Variants in SGCD observed in about 807,000 individuals in gnomAD.
SGCD encodes sarcoglycan delta.
A neutral mutation model predicts 36.6 loss-of-function variants in SGCD; 18 were observed. The ratio of observed to expected loss-of-function variants is 0.49; its 90% confidence interval spans 0.34 to 0.73. The LOEUF is 0.73. Ranked by LOEUF, SGCD falls within the 30% of genes least tolerant of loss-of-function variation. SGCD has a pLI of 0.01. For missense variants in SGCD, 387 were observed against 346.7 expected, an observed-to-expected ratio of 1.12 and a Z score of -0.92; for synonymous variants, 133 against 130.6, an observed-to-expected ratio of 1.02 and a Z score of -0.12.
intron 1 of SGCD, among the ~76,000 whole-genome samples, chr5:155,888,545 T>C (rs534133878): frequency 6.6e-6 from 1 of 152,330 alleles, no homozygotes; most frequent in African/African-American, 2.4e-5. Flanking sequence ...TTTTTAATGC[T>C]TAGGTTTTTG....
intron 3 of SGCD, among the ~76,000 whole-genome samples, chr5:156,214,175 G>A (rs1343286909): frequency 6.6e-6 from 1 of 151,896 alleles, no homozygotes; most frequent in Non-Finnish European, 1.5e-5. Context: ...ATCTCTGCTT[G>A]CAGATATCAG....
At chr5:156,375,821 T>C (rs1395718700) in intron 3 of SGCD, among the ~76,000 whole-genome samples, 2 of 152,218 alleles carry the variant, frequency 1.3e-5, no homozygotes, top group Non-Finnish European at 2.9e-5. Flanking sequence ...GAAGCCCTCA[T>C]CTACCTATAC....
chr5:156,104,615 T>A (rs1199279939), intron 1 of SGCD, among the ~76,000 whole-genome samples: 1 of 152,216 alleles, frequency 6.6e-6, no homozygotes, highest in Non-Finnish European at 1.5e-5. Flanking sequence ...AATGGGGCTG[T>A]GAATAAAATT....
chr5:156,538,272 C>T (rs1758202296), intron 4 of SGCD, among the ~76,000 whole-genome samples: 1 of 152,068 alleles, frequency 6.6e-6, no homozygotes, highest in South Asian at 2.1e-4. Context: ...GATGTTGTTT[C>T]TAATGGAACT....
intron 3 of SGCD, among the ~76,000 whole-genome samples, chr5:156,153,929 C>A (rs143068254): frequency 1.4e-4 from 21 of 151,708 alleles, no homozygotes; most frequent in African/African-American, 5.1e-4. Flanking sequence ...TTGTTTTAAA[C>A]AATTGGTAAG....
intron 1 of SGCD, among the ~76,000 whole-genome samples, chr5:155,878,838 A>G (rs1354079464): frequency 1.3e-5 from 2 of 152,298 alleles, no homozygotes; most frequent in Admixed American, 6.5e-5. Context: ...ACATTTGGGG[A>G]GGCAAGAAAC....
chr5:156,198,629 C>T (rs1367874992), intron 3 of SGCD, among the ~76,000 whole-genome samples: 1 of 152,022 alleles, frequency 6.6e-6, no homozygotes, highest in East Asian at 1.9e-4. Context: ...CCATGGTCCT[C>T]CATGTGAAAG....
At chr5:156,679,682 A>C (rs530659522) in intron 7 of SGCD, among the ~76,000 whole-genome samples, 1 of 152,290 alleles carries the variant, frequency 6.6e-6, no homozygotes, top group South Asian at 2.1e-4. Flanking sequence ...AACAAGCTAA[A>C]ATTTTACAAC....
At chr5:155,958,810 C>T (rs746174981) in intron 1 of SGCD, among the ~76,000 whole-genome samples, 5 of 152,052 alleles carry the variant, frequency 3.3e-5, no homozygotes, top group African/African-American at 4.8e-5. Context: ...GTTATGCGTG[C>T]GGGAATCCCT....
intron 3 of SGCD, among the ~76,000 whole-genome samples, chr5:156,227,438 C>T (rs149955350): frequency 0.01 from 1,524 of 152,192 alleles, 29 homozygotes; most frequent in African/African-American, 0.035. Context: ...TCTGGGTTCT[C>T]TATTCTGTTA....
chr5:155,844,865 C>T, the SGCD span, among the ~76,000 whole-genome samples: 2 of 152,190 alleles, frequency 1.3e-5, no homozygotes, highest in Non-Finnish European at 2.9e-5. Context: ...TTTTACTTCT[C>T]TGTGCTTCCA....
chr5:156,003,123 A>G (rs1171115609), intron 1 of SGCD, among the ~76,000 whole-genome samples: 1 of 152,208 alleles, frequency 6.6e-6, no homozygotes, highest in Non-Finnish European at 1.5e-5. Flanking sequence ...TTTCCTCTGT[A>G]ACATCCACTC....
At chr5:156,634,133 C>T (rs1348235838) in intron 6 of SGCD, among the ~76,000 whole-genome samples, 1 of 152,154 alleles carries the variant, frequency 6.6e-6, no homozygotes, top group African/African-American at 2.4e-5. Context: ...CACAGGACAA[C>T]GAGCCTACTC....
chr5:155,756,346 G>A, the SGCD span, among the ~76,000 whole-genome samples: 1 of 152,234 alleles, frequency 6.6e-6, no homozygotes, highest in Non-Finnish European at 1.5e-5. Flanking sequence ...GGTCGAGAAA[G>A]TTTAAGCTGT....
the SGCD span, among the ~76,000 whole-genome samples, chr5:155,793,053 C>A: frequency 1.3e-5 from 2 of 152,212 alleles, no homozygotes; most frequent in East Asian, 3.9e-4. Context: ...ACACATACAC[C>A]GTGGAATACT....
At chr5:156,168,421 A>G (rs571341200) in intron 3 of SGCD, among the ~76,000 whole-genome samples, 44 of 152,108 alleles carry the variant, frequency 2.9e-4, no homozygotes, top group Non-Finnish European at 5.3e-4. Flanking sequence ...TCTGCATAAC[A>G]TAAGTTACTT....
chr5:156,463,003 G>T, intron 3 of SGCD, among the ~76,000 whole-genome samples: 1 of 152,174 alleles, frequency 6.6e-6, no homozygotes, highest in African/African-American at 2.4e-5. Context: ...GAAAAGTTCA[G>T]CATGAAATAA....
chr5:156,624,056 AT>A (rs1258746663), intron 6 of SGCD, among the ~76,000 whole-genome samples: 1 of 152,188 alleles, frequency 6.6e-6, no homozygotes, highest in African/African-American at 2.4e-5. Flanking sequence ...CTCTCCCATC[AT>A]TGGGAACTTA....
At chr5:156,271,871 G>T (rs73302655) in intron 3 of SGCD, among the ~76,000 whole-genome samples, 1 of 152,060 alleles carries the variant, frequency 6.6e-6, no homozygotes, top group African/African-American at 2.4e-5. Context: ...CCAACATTCT[G>T]ATAAATAAAC....
Sources: allele counts gnomAD v4.1 joint callset (sites outside exome capture counted in the v4.1 genomes callset), GRCh38; gene constraint gnomAD v4.1.1; transcripts MANE v1.5; gene names NCBI Gene and HGNC (gene_info 2026-07-23, HGNC 2026-07-21).